The following PACRG variants were observed in gnomAD, a reference collection of about 807,000 sequenced individuals.
PACRG encodes the protein parkin coregulated.
In PACRG, 29 loss-of-function variants were observed where a neutral mutation model predicts 29.7. The ratio of observed to expected loss-of-function variants is 0.98; its 90% CI spans 0.73 to 1.33. PACRG has a LOEUF of 1.33. PACRG is among the 40% of genes most tolerant of loss of function. PACRG has a pLI of 0.00. For synonymous variants in PACRG, 116 were observed against 118.7 expected, an observed-to-expected ratio of 0.98 and a Z score of 0.15; for missense variants, 279 against 316.2, an observed-to-expected ratio of 0.88 and a Z score of 0.89.
At chr6:163,177,647 G>A (rs574736594) in intron 4 of PACRG, among the ~76,000 whole-genome samples, 9 of 148,904 alleles carry the variant, frequency 6.0e-5, no homozygotes, top group South Asian at 2.2e-4. Flanking sequence ...GCCCCCTCTC[G>A]TGAGAAACTG....
intron 1 of PACRG, among the ~76,000 whole-genome samples, chr6:162,737,408 G>T (rs1408263243): frequency 6.6e-6 from 1 of 152,068 alleles, no homozygotes; most frequent in African/African-American, 2.4e-5. Flanking sequence ...AGAACATCTG[G>T]GTACATAGTA....
At chr6:163,183,545 G>A (rs1562953663) in intron 4 of PACRG, 1 of 151,812 alleles carries the variant, frequency 6.6e-6, no homozygotes, top group African/African-American at 2.4e-5. Flanking sequence ...AGCAGATTTA[G>A]AGGCCAAGCT....
At chr6:162,950,761 G>A (rs758184556) in intron 2 of PACRG, among the ~76,000 whole-genome samples, 11 of 152,096 alleles carry the variant, frequency 7.2e-5, no homozygotes, top group South Asian at 4.1e-4. Context: ...TTTTAAACTT[G>A]TAAAATGTAT....
At chr6:163,045,428 C>G (rs1225855298) in intron 2 of PACRG, among the ~76,000 whole-genome samples, 1 of 152,144 alleles carries the variant, frequency 6.6e-6, no homozygotes, top group Non-Finnish European at 1.5e-5. Flanking sequence ...CTCATCCTCC[C>G]ATTCTTCTGC....
At chr6:163,030,350 C>T (rs951254922) in intron 2 of PACRG, among the ~76,000 whole-genome samples, 4 of 151,948 alleles carry the variant, frequency 2.6e-5, no homozygotes, top group Non-Finnish European at 4.4e-5. Flanking sequence ...AAAATTCTAT[C>T]GAGATACAGT....
chr6:162,734,908 C>T, intron 1 of PACRG, among the ~76,000 whole-genome samples: 1 of 152,200 alleles, frequency 6.6e-6, no homozygotes, highest in East Asian at 1.9e-4. Flanking sequence ...CCCAACATTC[C>T]CACATGCTAA....
chr6:163,264,617 G>A (rs544610779), intron 4 of PACRG, among the ~76,000 whole-genome samples: 7 of 152,214 alleles, frequency 4.6e-5, no homozygotes, highest in East Asian at 1.9e-4. Flanking sequence ...GGGCAGCTGA[G>A]GTGAGGGGAG....
intron 2 of PACRG, among the ~76,000 whole-genome samples, chr6:162,819,327 C>T (rs1787632825): frequency 6.6e-6 from 1 of 152,056 alleles, no homozygotes; most frequent in Non-Finnish European, 1.5e-5. Flanking sequence ...ATTTAGATCT[C>T]CAGACTTTGT....
intron 2 of PACRG, among the ~76,000 whole-genome samples, chr6:162,973,139 G>T (rs1194715575): frequency 4.6e-5 from 7 of 152,188 alleles, no homozygotes; most frequent in Non-Finnish European, 1.0e-4. Context: ...GTTGGTGATT[G>T]CTATGGATTT....
At chr6:162,947,312 ATCATATATAAT>A (rs1799105705) in intron 2 of PACRG, among the ~76,000 whole-genome samples, 1 of 89,940 alleles carries the variant, frequency 1.1e-5, no homozygotes, top group African/African-American at 3.5e-5. Flanking sequence ...AATATATATA[ATCATATATAAT>A]ACATATAATC....
At chr6:163,002,192 C>T (rs960175986) in intron 2 of PACRG, among the ~76,000 whole-genome samples, 1 of 152,170 alleles carries the variant, frequency 6.6e-6, no homozygotes, top group African/African-American at 2.4e-5. Context: ...ATAACACATT[C>T]TAGGCCTCTC....
At chr6:162,935,326 C>CT (rs1302481232) in intron 2 of PACRG, among the ~76,000 whole-genome samples, 1 of 150,384 alleles carries the variant, frequency 6.6e-6, no homozygotes, top group African/African-American at 2.4e-5. Flanking sequence ...AAATGCAAAA[C>CT]TTTTTTCACT....
intron 1 of PACRG, among the ~76,000 whole-genome samples, chr6:162,807,930 A>C (rs1464235443): frequency 6.6e-6 from 1 of 152,194 alleles, no homozygotes; most frequent in Non-Finnish European, 1.5e-5. Flanking sequence ...CATGATCATA[A>C]TATATTGTTA....
At chr6:162,847,049 C>T (rs373945279) in intron 2 of PACRG, among the ~76,000 whole-genome samples, 1 of 146,586 alleles carries the variant, frequency 6.8e-6, no homozygotes, top group Admixed American at 6.8e-5. Flanking sequence ...CGCTGACTGC[C>T]GTGCTCCTCA....
intron 2 of PACRG, chr6:163,046,668 C>T (rs1007515983): frequency 6.6e-6 from 1 of 152,010 alleles, no homozygotes; most frequent in East Asian, 2.0e-4. Flanking sequence ...TTCATTCTTT[C>T]GACAAGCTGA....
At chr6:162,970,084 C>G (rs74750907) in intron 2 of PACRG, among the ~76,000 whole-genome samples, 12,172 of 152,210 alleles carry the variant, frequency 0.08, 741 homozygotes, top group Middle Eastern at 0.14. Flanking sequence ...CTTTTTCACT[C>G]TGTCTGCTGC....
intron 1 of PACRG, among the ~76,000 whole-genome samples, chr6:162,808,817 A>T (rs1312931740): frequency 6.6e-6 from 1 of 152,248 alleles, no homozygotes; most frequent in African/African-American, 2.4e-5. Context: ...GCTTTATATT[A>T]TTTATAATAA....
intron 4 of PACRG, among the ~76,000 whole-genome samples, chr6:163,175,744 A>AAGGAGGAGG (rs3061922): frequency 0.018 from 2,415 of 136,760 alleles, 59 homozygotes; most frequent in African/African-American, 0.049. Context: ...GCACCTGTCA[A>AAGGAGGAGG]AGGAGGAGGA....
At chr6:163,292,578 A>ATTTATTTAT (rs1784653059) in intron 4 of PACRG, among the ~76,000 whole-genome samples, 1 of 135,868 alleles carries the variant, frequency 7.4e-6, no homozygotes, top group African/African-American at 2.8e-5. Context: ...TTTATGTATT[A>ATTTATTTAT]TTTATTTATT....
Sources: allele counts gnomAD v4.1 joint callset (sites outside exome capture counted in the v4.1 genomes callset), GRCh38; gene constraint gnomAD v4.1.1; transcripts MANE v1.5; gene names NCBI Gene and HGNC (gene_info 2026-07-23, HGNC 2026-07-21).